The following LGR4 variants were observed in gnomAD, a reference collection of about 807,000 sequenced individuals.
LGR4 encodes leucine rich repeat containing G protein-coupled receptor 4.
LGR4 carries 44 observed loss-of-function variants against 84.8 expected under a neutral mutation model. The ratio of observed to expected loss-of-function variants is 0.52; its 90% CI spans 0.41 to 0.67. LGR4 has a LOEUF of 0.67. Ranked by LOEUF, LGR4 falls within the 30% of genes least tolerant of loss-of-function variation. The pLI, the probability that LGR4 is intolerant of heterozygous loss-of-function variation, is 0.00. For missense variants in LGR4, 1,032 were observed against 1,131.4 expected (o/e 0.91, Z 1.26); for synonymous variants, 429 against 434.3 (o/e 0.99, Z 0.15).
intron 1 of LGR4, among the ~76,000 whole-genome samples, chr11:27,465,965 A>G (rs1230512697): frequency 6.6e-6 from 1 of 152,238 alleles, no homozygotes; most frequent in African/African-American, 2.4e-5. Context: ...GGGGGAAAAA[A>G]GAAAAAAAGT....
At position 27,464,807 on chromosome 11, in the gene LGR4, T is replaced by C. The variant is rs144853253; in HGVS notation, c.185+7311A>G. 6.6e-3 allele frequency among the ~76,000 whole-genome samples: 1,011 copies of C among 152,290 alleles called. 14 individuals carry two copies. Among genetic ancestry groups the C allele is most frequent in the African/African-American group, 0.023 (956 of 41,566 alleles). On this transcript the variant is annotated intron_variant, in intron 1 of 17. Transcript: ENST00000379214. The stretch of plus-strand genomic sequence containing the variant: ...TTTCTGGATATCGGGTTCTACACTC[T>C]GATTCAAATACCAAAAGTACTTTGC...
intron 1 of LGR4, among the ~76,000 whole-genome samples, chr11:27,456,623 T>C (rs146917040): frequency 6.6e-6 from 1 of 152,302 alleles, no homozygotes; most frequent in Non-Finnish European, 1.5e-5. Context: ...GATCCTCATA[T>C]ACCATGTAAG....
At chr11:27,377,267 G>T in intron 11 of LGR4, 44 bp from the exon 12 acceptor site, 1 of 1,016,608 alleles carries the variant, frequency 9.8e-7, no homozygotes, top group Non-Finnish European at 1.5e-6. Context: ...TGTTATCAGA[G>T]TATTATATTA....
At chr11:27,459,696 C>T (rs1204596464) in intron 1 of LGR4, among the ~76,000 whole-genome samples, 1 of 149,556 alleles carries the variant, frequency 6.7e-6, no homozygotes, top group African/African-American at 2.4e-5. Context: ...AGGCTGGTCT[C>T]GAACTCCTGA....
intron 15 of LGR4, 106 bp downstream of exon 15, chr11:27,373,445 T>C: frequency 3.6e-6 from 4 of 1,107,976 alleles, no homozygotes; most frequent in Non-Finnish European, 5.0e-6. Flanking sequence ...ACCCTTAAAT[T>C]ATAGCCTATC....
chr11:27,470,536 A>C (rs1864851748), intron 1 of LGR4, among the ~76,000 whole-genome samples: 1 of 152,078 alleles, frequency 6.6e-6, no homozygotes, highest in Non-Finnish European at 1.5e-5. Flanking sequence ...GAATTCCCTA[A>C]ACGTTTCTAG....
Position 27,472,434 on chromosome 11 carries a change from G to A in LGR4, c.-132C>T. ...GGTCTCTTCCTCGGCGGTCCGCGCGGGCTCGGCCCCTTCAGCAGTCCGCCG... is the reference window on the plus strand; with the variant it reads ...GGTCTCTTCCTCGGCGGTCCGCGCGAGCTCGGCCCCTTCAGCAGTCCGCCG... On this transcript the variant is annotated 5_prime_UTR_variant, in exon 1 of 18. Coordinates refer to ENST00000379214, the MANE Select transcript of LGR4 (RefSeq NM_018490.5). 1 of 619,168 alleles carries A rather than the reference G, an allele frequency of 1.6e-6. No homozygotes were observed. Among genetic ancestry groups the A allele is most frequent in the Non-Finnish European group, 2.3e-6 (1 of 433,254 alleles). The allele number at this position is 619,168 out of a possible 1,614,324, so 38.4% of individuals were successfully genotyped here.
At chr11:27,422,034 G>A (rs764917933) in intron 1 of LGR4, among the ~76,000 whole-genome samples, 33 of 152,254 alleles carry the variant, frequency 2.2e-4, no homozygotes, top group Non-Finnish European at 2.4e-4. Context: ...GCATCTCTGG[G>A]TGTCAACAGC....
chr11:27,450,517 G>A (rs891456693), intron 1 of LGR4, among the ~76,000 whole-genome samples: 2 of 151,902 alleles, frequency 1.3e-5, no homozygotes, highest in African/African-American at 4.8e-5. Context: ...GGCCAGGCAC[G>A]GTGGCTCACG....
intron 10 of LGR4, 27 bp from the exon 11 acceptor site, chr11:27,378,795 AAAT>A (rs1211485065): frequency 6.5e-7 from 1 of 1,546,978 alleles, no homozygotes; most frequent in African/African-American, 1.4e-5. Flanking sequence ...TTCATGTAAG[AAAT>A]AATTCAACTC....
At chr11:27,385,846 T>C (rs1463670030) in intron 4 of LGR4, among the ~76,000 whole-genome samples, 5 of 148,126 alleles carry the variant, frequency 3.4e-5, no homozygotes, top group Non-Finnish European at 7.4e-5. Flanking sequence ...ACTGACCAAA[T>C]AGGCTACTTT....
intron 1 of LGR4, among the ~76,000 whole-genome samples, chr11:27,446,207 TA>T (rs1159061307): frequency 6.6e-6 from 1 of 152,190 alleles, no homozygotes; most frequent in Non-Finnish European, 1.5e-5. Context: ...GGGTAGATTG[TA>T]AAAATTTTCT....
chr11:27,453,362 C>T (rs567034759), intron 1 of LGR4, among the ~76,000 whole-genome samples: 3 of 152,168 alleles, frequency 2.0e-5, no homozygotes, highest in Non-Finnish European at 2.9e-5. Context: ...CCACCACGCC[C>T]GGCCAAGAGG....
intron 1 of LGR4, among the ~76,000 whole-genome samples, chr11:27,467,176 T>A (rs1038649765): frequency 9.2e-5 from 14 of 152,258 alleles, no homozygotes; most frequent in African/African-American, 3.4e-4. Context: ...CCAGGTGAAC[T>A]GGACAACTGG....
At chr11:27,412,389 T>A (rs1863728089) in intron 2 of LGR4, among the ~76,000 whole-genome samples, 1 of 152,156 alleles carries the variant, frequency 6.6e-6, no homozygotes, top group Non-Finnish European at 1.5e-5. Context: ...TTGTTGCTCA[T>A]GGCCCTGAAA....
chr11:27,417,114 C>A lies in LGR4; in HGVS notation c.186-4254G>T, dbSNP rs186981719. On this transcript the variant is annotated intron_variant, in intron 1 of 17. Coordinates refer to ENST00000379214, the MANE Select transcript of LGR4 (RefSeq NM_018490.5). ...TGTTATCTAAATTTGAACAAGCCCT[C>A]CTATTTGTATTAGATAAAACTGTAC... 3.7e-3 allele frequency among the ~76,000 whole-genome samples: 558 copies of A among 152,162 alleles called. 4 individuals are homozygous for A. Among genetic ancestry groups the A allele is most frequent in the African/African-American group, 0.013 (533 of 41,508 alleles).
Position 27,382,190 on chromosome 11 carries a change from C to G in LGR4, c.756G>C (p.Glu252Asp), listed in dbSNP as rs747452830. The G allele has an allele frequency of 6.3e-6, 10 of 1,594,630 alleles. No homozygotes were observed. Among genetic ancestry groups the G allele is most frequent in the Non-Finnish European group, 8.6e-6 (10 of 1,163,230 alleles). Residue 252 changes from glutamate to aspartate, a missense_variant and splice_region_variant, in exon 7 of 18, where the codon GAG (glutamate) becomes GAC (aspartate). Physicochemically the swap from Glu to Asp is conservative, Grantham distance 45. Coordinates refer to ENST00000379214, the MANE Select transcript of LGR4 (RefSeq NM_018490.5). ...QAIKALPSLK[E>D]LGFHSNSISV... is the part of the protein sequence containing the mutation. ...AAAGAGAATGAAGCAATACTCACAGCTCTTTAAGGCTAGGAAGGGCTTTAA... is the reference window on the plus strand; with the variant it reads ...AAAGAGAATGAAGCAATACTCACAGGTCTTTAAGGCTAGGAAGGGCTTTAA...
In LGR4 at chr11:27,378,875, C is replaced by G. The variant is rs1450080758; in HGVS notation, c.972-107G>C. On this transcript the variant is annotated intron_variant, in intron 10 of 17. Transcript: ENST00000379214. Reference sequence around the variant, plus strand: ...CACATATTTACATATGGACTAGATTCTATACATCCCATGGCCTAATTATTC... The same window carrying G: ...CACATATTTACATATGGACTAGATTGTATACATCCCATGGCCTAATTATTC... The G allele has an allele frequency of 4.1e-6, 3 of 728,240 alleles. No individual in the cohort carries two copies. In the Admixed American group the frequency reaches 7.3e-5, roughly 18 times the overall value. The allele number at this position is 728,240 out of a possible 1,614,324, so 45.1% of individuals were successfully genotyped here.
Position 27,472,258 on chromosome 11 carries a change from C to T in LGR4, c.45G>A (p.Leu15=). The T allele has an allele frequency of 1.5e-6, 2 of 1,308,140 alleles. No homozygotes were observed. Among genetic ancestry groups the T allele is most frequent in the South Asian group, 2.1e-5 (1 of 47,654 alleles). The allele number at this position is 1,308,140 out of a possible 1,614,324, so 81.0% of individuals were successfully genotyped here. ...CGCCGCTGGGCCCGGCCGAGCCGAG[C>T]AGCCCCAGGGCGAGGAAGCAGAGCA... is the stretch of plus-strand genomic sequence containing the variant. The part of the protein sequence containing the change: ...LGLLCFLALG[L]LGSAGPSGAA... Residue 15 remains leucine (L), a synonymous_variant, in exon 1 of 18, where the codon CTG becomes CTA. Coordinates refer to ENST00000379214, the MANE Select transcript of LGR4 (RefSeq NM_018490.5).
Sources: allele counts gnomAD v4.1 joint callset (sites outside exome capture counted in the v4.1 genomes callset), GRCh38; gene constraint gnomAD v4.1.1; transcripts MANE v1.5; gene names NCBI Gene and HGNC (gene_info 2026-07-23, HGNC 2026-07-21).